Variants in LIPA observed in about 807,000 individuals in gnomAD.
The protein encoded by LIPA is lipase A, lysosomal acid type, also known as lysosomal acid lipase/cholesteryl ester hydrolase.
LIPA carries 26 observed loss-of-function variants against 40.6 expected under a neutral mutation model. The observed-to-expected ratio is 0.64, with a 90% confidence interval of 0.47 to 0.89. The LOEUF is 0.89. Among genes scored for constraint, LIPA ranks in the 40% least tolerant of loss-of-function variants. The probability of loss-of-function intolerance (pLI) is 0.00; values close to 1 mark genes in which losing one functional copy is unlikely to be tolerated. For synonymous variants in LIPA, 188 were observed against 168.4 expected (o/e 1.12, Z -0.90); for missense variants, 455 against 479.6 (o/e 0.95, Z 0.48).
Position 89,358,288 on chromosome 10 carries a change from A to T in LIPA, c.61+54503T>A, listed in dbSNP as rs189091092. On this transcript the variant is annotated intron_variant, in intron 2 of 8. Coordinates refer to the LIPA transcript ENST00000371837. ...TACTATCAAAAAAACAAAAATAATG[A>T]ATGCTGATGAGGATGCAGAGAATGG... is the stretch of plus-strand genomic sequence containing the variant. Among the ~76,000 whole-genome samples, 27 of 152,304 alleles carry T rather than the reference A, an allele frequency of 1.8e-4. No individual in the cohort carries two copies. The East Asian group carries it at 5.0e-3, about 28-fold the overall frequency.
intron 1 of LIPA, among the ~76,000 whole-genome samples, chr10:89,335,162 A>C (rs1056921258): frequency 6.6e-6 from 1 of 152,152 alleles, no homozygotes; most frequent in African/African-American, 2.4e-5. Flanking sequence ...GCTTAGGAAA[A>C]ATCAAGAGAA....
At chr10:89,403,830 G>T in intron 2 of LIPA, 2 of 628,746 alleles carry the variant, frequency 3.2e-6, no homozygotes, top group Non-Finnish European at 5.4e-6. Flanking sequence ...TGTAATTCTT[G>T]AATAATAAAT....
intron 2 of LIPA, among the ~76,000 whole-genome samples, chr10:89,377,762 T>C (rs1844132829): frequency 6.6e-6 from 1 of 152,194 alleles, no homozygotes; most frequent in East Asian, 1.9e-4. Context: ...CACAAAAATA[T>C]ACGTTCCTGT....
At chr10:89,252,728 C>G (rs746749888), upstream of LIPA, among the ~76,000 whole-genome samples, 3 of 151,032 alleles carry the variant, frequency 2.0e-5, no homozygotes, top group Non-Finnish European at 4.4e-5. Flanking sequence ...ATGGCTTGAA[C>G]CAGGTAGGTG....
intron 3 of LIPA, among the ~76,000 whole-genome samples, chr10:89,243,182 C>A (rs1842983620): frequency 6.6e-6 from 1 of 152,304 alleles, no homozygotes. Flanking sequence ...GAAATAACAC[C>A]AGTGGCAACA....
intron 3 of LIPA, among the ~76,000 whole-genome samples, chr10:89,229,953 AATAAAAATTT>A (rs1842820857): frequency 6.6e-6 from 1 of 152,160 alleles, no homozygotes; most frequent in African/African-American, 2.4e-5. Context: ...AATAAAATTT[AATAAAAATTT>A]TTAAAGCTGA....
In LIPA at chr10:89,362,853, A is replaced by G. The variant is rs118122750; in HGVS notation, c.61+49938T>C. 851 of 331,336 alleles carry G rather than the reference A, an allele frequency of 2.6e-3. 2 individuals are homozygous for G. The highest frequency in any genetic ancestry group is 3.7e-3 in the Non-Finnish European group (635 of 173,094). 20.5% of individuals were successfully genotyped at this position (331,336 alleles called of 1,614,324 possible). ...TCCTGAATTCAGCACTGGGTATGTC[A>G]TCACTGCCTATTGCCTGGACGGTTT... On this transcript the variant is annotated intron_variant, in intron 2 of 8. Transcript: ENST00000371837.
At chr10:89,297,255 G>C (rs1589592584) in intron 1 of LIPA, among the ~76,000 whole-genome samples, 2 of 152,240 alleles carry the variant, frequency 1.3e-5, no homozygotes, top group South Asian at 4.1e-4. Flanking sequence ...ACATGAGAGA[G>C]TTTCTCTACC....
At chr10:89,301,315 C>G (rs1438052408) in intron 1 of LIPA, among the ~76,000 whole-genome samples, 1 of 152,188 alleles carries the variant, frequency 6.6e-6, no homozygotes, top group African/African-American at 2.4e-5. Flanking sequence ...TTTGCAGGGA[C>G]TGGAGATTCA....
intron 8 of LIPA, among the ~76,000 whole-genome samples, chr10:89,221,161 C>T (rs1424721536): frequency 6.6e-6 from 1 of 151,790 alleles, no homozygotes. Context: ...TATACAAACA[C>T]TGAAATATAT....
At chr10:89,300,426 C>T (rs1490804550) in intron 1 of LIPA, among the ~76,000 whole-genome samples, 2 of 152,122 alleles carry the variant, frequency 1.3e-5, no homozygotes, top group African/African-American at 4.8e-5. Flanking sequence ...TTAAATGATA[C>T]CAACACATAA....
chr10:89,304,702 T>A (rs902158673), intron 1 of LIPA, among the ~76,000 whole-genome samples: 2 of 152,252 alleles, frequency 1.3e-5, no homozygotes, highest in Non-Finnish European at 2.9e-5. Flanking sequence ...ATCTCCAAAG[T>A]AATTCGAAAT....
upstream of LIPA, among the ~76,000 whole-genome samples, chr10:89,252,429 A>G (rs1445069920): frequency 6.6e-6 from 1 of 152,196 alleles, no homozygotes; most frequent in Non-Finnish European, 1.5e-5. Flanking sequence ...TGATGGGAAG[A>G]GACACATCAT....
In LIPA at chr10:89,257,431, G is replaced by A. The variant is rs534985887; in HGVS notation, c.-1-9782C>T. ...GTCACTTTATATCATAAGCCAGACT[G>A]GTGAAATAAAGACAGAAACAATACT... On this transcript the variant is annotated intron_variant, in intron 1 of 5. Coordinates refer to the LIPA transcript ENST00000282673. Among the ~76,000 whole-genome samples the A allele has an allele frequency of 2.0e-5, 3 of 152,210 alleles. No homozygotes were observed. The East Asian group carries it at 5.8e-4, about 29-fold the overall frequency.
chr10:89,258,368 T>C (rs1843191271), intron 1 of LIPA, among the ~76,000 whole-genome samples: 2 of 152,152 alleles, frequency 1.3e-5, no homozygotes, highest in Admixed American at 6.5e-5. Context: ...AATTTGAGTT[T>C]TGTCAAAGAT....
At position 89,250,098 on chromosome 10, in the gene LIPA, C is replaced by CTTTCTTTTTT. The variant is rs1564767178; in HGVS notation, c.-2+1638_-2+1639insAAAAAAGAAA. The stretch of plus-strand genomic sequence containing the variant: ...TCTTTTTTCTTTTTCTTTTTCTTTT[C>CTTTCTTTTTT]TTTTCTTTCTTTTTTTTTTTTGAGA... On this transcript the variant is annotated intron_variant, in intron 1 of 9. Transcript: ENST00000336233. Among the ~76,000 whole-genome samples, 929 of 101,132 alleles carry CTTTCTTTTTT rather than the reference C, an allele frequency of 9.2e-3. 41 individuals carry two copies. The highest frequency in any genetic ancestry group is 0.02 in the South Asian group (50 of 2,528). 66.3% of individuals were successfully genotyped at this position (101,132 alleles called of 152,430 possible). A position where few individuals can be genotyped will look rare whatever the true frequency, so the allele number is the denominator to read the frequency against.
intron 1 of LIPA, among the ~76,000 whole-genome samples, chr10:89,310,026 G>A (rs1256565418): frequency 2.6e-5 from 4 of 152,148 alleles, no homozygotes; most frequent in Non-Finnish European, 5.9e-5. Flanking sequence ...ATCCATCAAT[G>A]ACCATTGCCC....
At chr10:89,383,466 T>C in intron 2 of LIPA, 1 of 1,614,154 alleles carries the variant, frequency 6.2e-7, no homozygotes. Flanking sequence ...CCAAATACAA[T>C]GTGGGAATAC....
At chr10:89,219,567 GA>G (rs1842670266) in intron 8 of LIPA, among the ~76,000 whole-genome samples, 1 of 152,184 alleles carries the variant, frequency 6.6e-6, no homozygotes, top group South Asian at 2.1e-4. Context: ...CTTCTGAATG[GA>G]CTGTAAACAA....
Sources: gnomAD v4.1 joint callset for allele counts (sites outside exome capture counted in the v4.1 genomes callset) on GRCh38, gnomAD v4.1.1 for gene constraint, MANE v1.5 for transcripts, NCBI Gene and HGNC (gene_info 2026-07-23, HGNC 2026-07-21) for gene names.